SGO2: variants seen among roughly 807,000 people sequenced by gnomAD.
SGO2 encodes the protein shugoshin 2, also known as shugoshin-like 2.
In SGO2, 68 loss-of-function variants were observed where a neutral mutation model predicts 99.5. The observed-to-expected ratio is 0.68, with a 90% CI of 0.56 to 0.84. SGO2 has a LOEUF of 0.84. SGO2 is among the 40% of genes least tolerant of loss of function. The probability of loss-of-function intolerance (pLI) is 0.00; values close to 1 mark genes in which losing one functional copy is unlikely to be tolerated. For missense variants in SGO2, 1,350 were observed against 1,436.7 expected, an observed-to-expected ratio of 0.94 and a Z score of 0.97; for synonymous variants, 457 against 487.1, an observed-to-expected ratio of 0.94 and a Z score of 0.81.
chr2:200,561,046 C>G (rs1260073338), intron 5 of SGO2, among the ~76,000 whole-genome samples: 2 of 151,884 alleles, frequency 1.3e-5, no homozygotes, highest in African/African-American at 4.8e-5. Flanking sequence ...TTTTCTTATT[C>G]TTTTTTTTAT....
At chr2:200,549,083 C>A (rs1377177917) in intron 5 of SGO2, among the ~76,000 whole-genome samples, 2 of 152,100 alleles carry the variant, frequency 1.3e-5, no homozygotes, top group Non-Finnish European at 2.9e-5. Flanking sequence ...ATAACAAGAT[C>A]CAGTCCCTAC....
chr2:200,553,985 T>A (rs996179566), intron 5 of SGO2, among the ~76,000 whole-genome samples: 3 of 152,154 alleles, frequency 2.0e-5, no homozygotes, highest in African/African-American at 7.2e-5. Context: ...ATTTGATTGC[T>A]TAAAGGAAAG....
At position 200,533,105 on chromosome 2, in the gene SGO2, CTAAG is replaced by C; in HGVS notation, c.133+3_133+6del. On this transcript the variant is annotated splice_donor_variant and coding_sequence_variant, in exon 2 of 9. Transcript: ENST00000357799. LOFTEE classifies it high-confidence loss of function. ...TGCTTCAAAAATAAAAACAAAAATA[CTAAG>C]TAAGTGCCATCAGTTTTAAAATACA... 1.3e-6 allele frequency: 2 copies of C among 1,577,880 alleles called. No homozygotes were observed. The highest frequency in any genetic ancestry group is 1.7e-6 in the Non-Finnish European group (2 of 1,168,104).
intron 5 of SGO2, among the ~76,000 whole-genome samples, chr2:200,566,890 T>C (rs894304652): frequency 1.3e-5 from 2 of 152,192 alleles, no homozygotes; most frequent in Non-Finnish European, 2.9e-5. Flanking sequence ...TATAATCTCC[T>C]GGTGTGCCAT....
At chr2:200,579,752 A>G (rs2033778106) in intron 8 of SGO2, among the ~76,000 whole-genome samples, 1 of 152,104 alleles carries the variant, frequency 6.6e-6, no homozygotes, top group Non-Finnish European at 1.5e-5. Context: ...TGTTGAATTG[A>G]GTTTGCCAAA....
At chr2:200,550,667 C>G (rs528123375) in intron 5 of SGO2, among the ~76,000 whole-genome samples, 2 of 152,192 alleles carry the variant, frequency 1.3e-5, no homozygotes, top group South Asian at 2.1e-4. Flanking sequence ...CTATCTCTCA[C>G]CATACACAAA....
At chr2:200,563,811 A>T (rs1364918024) in intron 5 of SGO2, among the ~76,000 whole-genome samples, 1 of 152,192 alleles carries the variant, frequency 6.6e-6, no homozygotes, top group East Asian at 1.9e-4. Flanking sequence ...CCAGGAATTT[A>T]TCCATTTCTT....
chr2:200,532,648 T>C (rs2031465441), intron 1 of SGO2, among the ~76,000 whole-genome samples: 1 of 152,170 alleles, frequency 6.6e-6, no homozygotes, highest in Non-Finnish European at 1.5e-5. Flanking sequence ...AGGTTATACT[T>C]CTTACATTGT....
intron 5 of SGO2, among the ~76,000 whole-genome samples, chr2:200,547,421 T>C (rs1314970726): frequency 2.0e-5 from 3 of 152,148 alleles, no homozygotes; most frequent in Non-Finnish European, 4.4e-5. Context: ...AACACTACCA[T>C]GCAAAAGGAA....
In SGO2 at chr2:200,571,242, A is replaced by G; in HGVS notation, c.896A>G (p.His299Arg). The G allele has an allele frequency of 6.2e-7, 1 of 1,613,586 alleles. No individual in the cohort carries two copies. The highest frequency in any genetic ancestry group is 8.5e-7 in the Non-Finnish European group (1 of 1,179,672). Residue 299 changes from histidine to arginine, a missense_variant, in exon 7 of 9, where the codon CAC becomes CGC. Coordinates refer to ENST00000357799, the MANE Select transcript of SGO2 (RefSeq NM_152524.6). The part of the protein sequence containing the change: ...TPCATVLDKQ[H>R]ISSPELNCNN... ...TGTGCAACAGTTTTAGATAAACAAC[A>G]CATTTCAAGTCCAGAATTAAATTGC...
chr2:200,571,393 G>A lies in SGO2; in HGVS notation c.1047G>A (p.Glu349=), dbSNP rs766329312. Residue 349 remains glutamate (E), a synonymous_variant, in exon 7 of 9, where the codon GAG becomes GAA. Transcript: ENST00000357799. The part of the protein sequence containing the change: ...EPNAECMNQI[E]DNDDFQLQKT... ...ATGCAGAGTGCATGAATCAAATTGA[G>A]GATAATGATGACTTTCAATTGCAGA... 3.1e-6 allele frequency: 5 copies of A among 1,609,820 alleles called. No individual in the cohort carries two copies. Among genetic ancestry groups the A allele is most frequent in the Non-Finnish European group, 4.2e-6 (5 of 1,176,978 alleles).
intron 5 of SGO2, among the ~76,000 whole-genome samples, chr2:200,548,004 A>G (rs2032309085): frequency 6.6e-6 from 1 of 151,258 alleles, no homozygotes; most frequent in Non-Finnish European, 1.5e-5. Flanking sequence ...AGCCAACATT[A>G]CTAGATGTAA....
intron 5 of SGO2, among the ~76,000 whole-genome samples, chr2:200,547,308 A>C (rs1224486356): frequency 1.3e-5 from 2 of 152,218 alleles, no homozygotes; most frequent in Non-Finnish European, 2.9e-5. Flanking sequence ...TTTAAAGGAG[A>C]GCTAAAGTCT....
At position 200,570,478 on chromosome 2, in the gene SGO2, A is replaced by ATGTGTGTG. The variant is rs71022323; in HGVS notation, c.704-547_704-540dup. Among the ~76,000 whole-genome samples the ATGTGTGTG allele has an allele frequency of 0.23, 32,780 of 142,566 alleles. 3,920 individuals carry two copies. Among genetic ancestry groups the ATGTGTGTG allele is most frequent in the East Asian group, 0.31 (1,508 of 4,914 alleles). 93.5% of individuals were successfully genotyped at this position (142,566 alleles called of 152,430 possible). A position where few individuals can be genotyped will look rare whatever the true frequency, so the allele number is the denominator to read the frequency against. ...TTAGAATTGTTTTTCCTTTCTGAAAATGTGTGTGTGTGTGTGTGTGTGTGT... is the reference window on the plus strand; with the variant it reads ...TTAGAATTGTTTTTCCTTTCTGAAAATGTGTGTGTGTGTGTGTGTGTGTGTGTGTGTGT... On this transcript the variant is annotated intron_variant, in intron 6 of 8. Transcript: ENST00000357799. The surrounding 1 kb of genome is among the most constrained non-coding windows in gnomAD (Gnocchi z 4.4).
rs552201767 is a variant in SGO2, at chr2:200,560,964, T to C, written c.474-8699T>C. Among the ~76,000 whole-genome samples, 4 of 152,308 alleles carry C rather than the reference T, an allele frequency of 2.6e-5. No individual in the cohort carries two copies. In the South Asian group the frequency reaches 8.3e-4, roughly 32 times the overall value. Reference sequence around the variant, plus strand: ...CTTTTCAAGTCAATATAGAAAACGTTTGTCTTTCAAGAAAATCACACATCT... The same window carrying C: ...CTTTTCAAGTCAATATAGAAAACGTCTGTCTTTCAAGAAAATCACACATCT... On this transcript the variant is annotated intron_variant, in intron 5 of 8. Coordinates refer to ENST00000357799, the MANE Select transcript of SGO2 (RefSeq NM_152524.6).
Position 200,570,355 on chromosome 2 carries a change from A to G in SGO2, c.703+463A>G, listed in dbSNP as rs17448221. Among the ~76,000 whole-genome samples the G allele has an allele frequency of 0.11, 16,579 of 151,912 alleles. 1,097 individuals carry two copies. The highest frequency in any genetic ancestry group is 0.15 in the Non-Finnish European group (10,434 of 67,800). ...GGCATTTACATTTTATTTACATAGTATTCCTAAATGATAATCTGTGGTGTA... is the reference window on the plus strand; with the variant it reads ...GGCATTTACATTTTATTTACATAGTGTTCCTAAATGATAATCTGTGGTGTA... On this transcript the variant is annotated intron_variant, in intron 6 of 8. Transcript: ENST00000357799. This position sits in a 1 kb window ranked among gnomAD's most constrained non-coding sequence, Gnocchi z 4.4.
intron 5 of SGO2, chr2:200,542,892 A>G (rs1486053331): frequency 6.1e-6 from 2 of 325,316 alleles, no homozygotes; most frequent in Non-Finnish European, 1.1e-5. Context: ...GCTACTTTAT[A>G]GTTCTTTTTT....
chr2:200,551,728 G>T (rs191364434), intron 5 of SGO2, among the ~76,000 whole-genome samples: 243 of 151,996 alleles, frequency 1.6e-3, no homozygotes, highest in Admixed American at 3.4e-3. Flanking sequence ...TACTGACCTT[G>T]TATCATTTAT....
Position 200,536,083 on chromosome 2 carries a change from A to G in SGO2, c.328A>G (p.Ile110Val). The change falls in exon 4 of 9, where the codon ATA becomes GTA. Residue 110 changes from isoleucine (I) to valine (V), a missense_variant. Physicochemically the swap from Ile to Val is conservative, Grantham distance 29. Coordinates refer to ENST00000357799, the MANE Select transcript of SGO2 (RefSeq NM_152524.6). ...LNNLNKKLID[I>V]EALMNNNLIT... ...TGTGCAGAATAAGAAGCTTATAGAC[A>G]TAGAAGCTCTCATGAACAATAACTT... is the stretch of plus-strand genomic sequence containing the variant. The G allele has an allele frequency of 6.3e-6, 10 of 1,590,246 alleles. No individual in the cohort carries two copies. The highest frequency in any genetic ancestry group is 8.6e-6 in the Non-Finnish European group (10 of 1,163,996).
Sources: allele counts gnomAD v4.1 joint callset (sites outside exome capture counted in the v4.1 genomes callset), GRCh38; gene constraint gnomAD v4.1.1; non-coding constraint Gnocchi (gnomAD v3.1); transcripts MANE v1.5; gene names NCBI Gene and HGNC (gene_info 2026-07-23, HGNC 2026-07-21).